The following ARHGAP20 variants were observed in gnomAD, a reference collection of about 807,000 sequenced individuals.
ARHGAP20 encodes the protein rho GTPase-activating protein 20.
In ARHGAP20, 34 loss-of-function variants were observed where a neutral mutation model predicts 73.7. The ratio of observed to expected loss-of-function variants is 0.46; its 90% CI spans 0.35 to 0.61. The LOEUF is 0.61. ARHGAP20 is among the 20% of genes least tolerant of loss of function. The pLI, the probability that ARHGAP20 is intolerant of heterozygous loss-of-function variation, is 0.00. For synonymous variants in ARHGAP20, 523 were observed against 518.2 expected (o/e 1.01, Z -0.13); for missense variants, 1,314 against 1,420.9 (o/e 0.92, Z 1.21).
At chr11:110,659,652 T>C (rs1297184920) in intron 2 of ARHGAP20, among the ~76,000 whole-genome samples, 1 of 152,096 alleles carries the variant, frequency 6.6e-6, no homozygotes, top group Non-Finnish European at 1.5e-5. Flanking sequence ...ATGTCCTGAA[T>C]GGTAATGTCC....
At chr11:110,686,809 G>T (rs1338177520) in intron 2 of ARHGAP20, among the ~76,000 whole-genome samples, 5 of 151,910 alleles carry the variant, frequency 3.3e-5, no homozygotes, top group Middle Eastern at 3.4e-3. Flanking sequence ...AAAGGCTTAG[G>T]AATCACTAAA....
chr11:110,578,493 G>C lies in ARHGAP20; in HGVS notation c.*877C>G. On this transcript the variant is annotated 3_prime_UTR_variant, in exon 15 of 15. Transcript: ENST00000683387. Reference sequence around the variant, plus strand: ...TAACAGCATTTGTGTAATTGAGAAAGGACAGTTGTTGTGGTCTTTTCCTCC... The same window carrying C: ...TAACAGCATTTGTGTAATTGAGAAACGACAGTTGTTGTGGTCTTTTCCTCC... 1 of 985,420 alleles carries C rather than the reference G, an allele frequency of 1.0e-6. No individual in the cohort carries two copies. The highest frequency in any genetic ancestry group is 1.2e-6 in the Non-Finnish European group (1 of 829,932). 61.0% of individuals were successfully genotyped at this position (985,420 alleles called of 1,614,324 possible). A position where few individuals can be genotyped will look rare whatever the true frequency, so the allele number is the denominator to read the frequency against.
chr11:110,578,204 T>C lies in ARHGAP20; in HGVS notation c.*1166A>G, dbSNP rs1947339094. ...CCAATGGGGTATAAGCCATGAAACA[T>C]TTGGGGCAAAAATATGGAACAACGT... On this transcript the variant is annotated 3_prime_UTR_variant, in exon 15 of 15. Transcript: ENST00000683387. The C allele has an allele frequency of 1.0e-6, 1 of 985,424 alleles. No homozygotes were observed. Among genetic ancestry groups the C allele is most frequent in the Non-Finnish European group, 1.2e-6 (1 of 829,922 alleles). The allele number at this position is 985,424 out of a possible 1,614,324, so 61.0% of individuals were successfully genotyped here.
chr11:110,636,250 G>A (rs1218566434), intron 2 of ARHGAP20, among the ~76,000 whole-genome samples: 1 of 152,076 alleles, frequency 6.6e-6, no homozygotes, highest in African/African-American at 2.4e-5. Context: ...AGGTGTGGCT[G>A]TGTTCTAAGA....
intron 2 of ARHGAP20, among the ~76,000 whole-genome samples, chr11:110,654,083 T>C (rs556334513): frequency 2.4e-4 from 37 of 152,030 alleles, no homozygotes; most frequent in African/African-American, 8.7e-4. Context: ...TCAGGAAAAA[T>C]AGCTGATGCA....
intron 2 of ARHGAP20, among the ~76,000 whole-genome samples, chr11:110,657,920 GAGGA>G (rs3044293): frequency 0.15 from 19,798 of 133,876 alleles, 1,606 homozygotes; most frequent in Admixed American, 0.25. Context: ...AAAAGAGAGA[GAGGA>G]AGGAAGGAAG....
intron 6 of ARHGAP20, among the ~76,000 whole-genome samples, chr11:110,613,931 T>A (rs1419716311): frequency 6.6e-6 from 1 of 152,184 alleles, no homozygotes; most frequent in Admixed American, 6.5e-5. Flanking sequence ...TTGATAACAT[T>A]TATCTCTTGT....
intron 2 of ARHGAP20, among the ~76,000 whole-genome samples, chr11:110,651,151 G>T (rs1489353254): frequency 2.0e-5 from 3 of 152,152 alleles, no homozygotes; most frequent in African/African-American, 4.8e-5. Flanking sequence ...GGTAAATAAT[G>T]AAATTGAGGC....
chr11:110,688,776 A>C (rs889089612), intron 2 of ARHGAP20, among the ~76,000 whole-genome samples: 2 of 152,094 alleles, frequency 1.3e-5, no homozygotes, highest in Middle Eastern at 3.2e-3. Flanking sequence ...ACGGCTTCCT[A>C]ATTAAATTTT....
In ARHGAP20 at chr11:110,606,841, T is replaced by A. The variant is rs905341203; in HGVS notation, c.776-92A>T. 9.9e-6 allele frequency: 11 copies of A among 1,110,282 alleles called. No individual in the cohort carries two copies. In the Admixed American group the frequency reaches 3.1e-4, roughly 32 times the overall value. 68.8% of individuals were successfully genotyped at this position (1,110,282 alleles called of 1,614,324 possible). A position where few individuals can be genotyped will look rare whatever the true frequency, so the allele number is the denominator to read the frequency against. ...ATAGGAATGTACTGCAATTTACTCCTGGGACTTTTGGCATAAAGAATCCCT... is the reference window on the plus strand; with the variant it reads ...ATAGGAATGTACTGCAATTTACTCCAGGGACTTTTGGCATAAAGAATCCCT... On this transcript the variant is annotated intron_variant, in intron 8 of 14. Transcript: ENST00000683387.
intron 2 of ARHGAP20, among the ~76,000 whole-genome samples, chr11:110,679,134 G>A (rs1280874432): frequency 6.6e-6 from 1 of 152,176 alleles, no homozygotes; most frequent in East Asian, 1.9e-4. Flanking sequence ...GAGCCTTCAT[G>A]TGGCTATTAG....
chr11:110,698,128 G>A (rs1198154670), intron 1 of ARHGAP20, among the ~76,000 whole-genome samples: 6 of 151,458 alleles, frequency 4.0e-5, no homozygotes, highest in Admixed American at 6.6e-5. Context: ...TTTTTATCAC[G>A]AAGGATGTTG....
At chr11:110,590,938 TAAATGGCCGGAAA>T in intron 10 of ARHGAP20, 129 bp from the exon 11 acceptor site, 1 of 943,900 alleles carries the variant, frequency 1.1e-6, no homozygotes, top group South Asian at 2.2e-5. Flanking sequence ...TGGAGCTAAA[TAAATGGCCGGAAA>T]AATTAAAGTC....
chr11:110,650,647 A>T (rs978197659), intron 2 of ARHGAP20, among the ~76,000 whole-genome samples: 23 of 152,200 alleles, frequency 1.5e-4, no homozygotes, highest in African/African-American at 5.3e-4. Flanking sequence ...AATAAAAATT[A>T]AAAAAGGAAG....
rs1352858315 is a variant in ARHGAP20, at chr11:110,579,661, TAAGGGC to T, written c.3279_3284del (p.Pro1094_Leu1095del). The T allele has an allele frequency of 5.0e-6, 8 of 1,614,110 alleles. No individual in the cohort carries two copies. The African/African-American group carries it at 9.3e-5, about 19-fold the overall frequency. ...CAGGGGACAGTCCTTCAGCTGCCCT[TAAGGGC>T]AAGTCTTTTTGTTCCTCTTGCAGTG... On this transcript the variant is annotated inframe_deletion, in exon 15 of 15. Coordinates refer to ENST00000683387, the MANE Select transcript of ARHGAP20 (RefSeq NM_001384657.1).
At position 110,579,796 on chromosome 11, in the gene ARHGAP20, G is replaced by A. The variant is rs1410704868; in HGVS notation, c.3150C>T (p.Leu1050=). 3.1e-6 allele frequency: 5 copies of A among 1,614,028 alleles called. No homozygotes were observed. The highest frequency in any genetic ancestry group is 4.2e-6 in the Non-Finnish European group (5 of 1,180,026). Residue 1050 remains leucine, a synonymous_variant, in exon 15 of 15, where the codon CTC becomes CTT. Transcript: ENST00000683387. ...NGVASLKNWS[L]KKKAKAARPE... ...GTCTGGCTGCCTTTGCTTTCTTTTT[G>A]AGGGACCAGTTTTTCAAACTGGCCA...
intron 9 of ARHGAP20, among the ~76,000 whole-genome samples, chr11:110,594,968 G>A (rs984213560): frequency 6.6e-6 from 1 of 151,394 alleles, no homozygotes; most frequent in African/African-American, 2.4e-5. Context: ...CTTCATCCCT[G>A]GGATGCAAGG....
At chr11:110,602,232 T>TA (rs59195302) in intron 9 of ARHGAP20, among the ~76,000 whole-genome samples, 112 of 152,062 alleles carry the variant, frequency 7.4e-4, no homozygotes, top group African/African-American at 2.5e-3. Flanking sequence ...CTTTTTTTTT[T>TA]ATTACTTATT....
At position 110,629,881 on chromosome 11, in the gene ARHGAP20, G is replaced by A. The variant is rs113147450; in HGVS notation, c.353+747C>T. On this transcript the variant is annotated intron_variant, in intron 3 of 14. Coordinates refer to ENST00000683387, the MANE Select transcript of ARHGAP20 (RefSeq NM_001384657.1). ...GGCTCTCGTGAAGGCTTGTAAGCCA[G>A]AAGCATCCAGTGAAACACTCTCAGA... 3.3e-5 allele frequency among the ~76,000 whole-genome samples: 5 copies of A among 152,316 alleles called. 1 individual carries two copies. In the East Asian group the frequency reaches 9.6e-4, roughly 29 times the overall value.
Sources: gnomAD v4.1 joint callset for allele counts (sites outside exome capture counted in the v4.1 genomes callset) on GRCh38, gnomAD v4.1.1 for gene constraint, MANE v1.5 for transcripts, NCBI Gene and HGNC (gene_info 2026-07-23, HGNC 2026-07-21) for gene names.